TRPM1: variants seen among roughly 807,000 people sequenced by gnomAD.
The protein encoded by TRPM1 is TRPM1-203 APA Isoform, Intron 10.
Under a neutral mutation model 149.4 loss-of-function variants are expected in TRPM1, and 113 were observed. The observed-to-expected ratio is 0.76, with a 90% CI of 0.65 to 0.88. The LOEUF (loss-of-function observed/expected upper bound fraction) is 0.88, where lower values mean the gene tolerates loss of function less well. Ranked by LOEUF, TRPM1 falls within the 40% of genes least tolerant of loss-of-function variation. TRPM1 has a pLI of 0.00. For synonymous variants in TRPM1, 741 were observed against 759.5 expected, an observed-to-expected ratio of 0.98 and a Z score of 0.40; for missense variants, 1,976 against 2,038.7, an observed-to-expected ratio of 0.97 and a Z score of 0.59.
At chr15:31,112,088 G>A (rs1040650511) in intron 1 of TRPM1, among the ~76,000 whole-genome samples, 2 of 152,218 alleles carry the variant, frequency 1.3e-5, no homozygotes, top group African/African-American at 4.8e-5. Context: ...GAGAGTGTGA[G>A]CATACAGAGC....
At chr15:31,087,493 A>G (rs1456279935) in intron 1 of TRPM1, among the ~76,000 whole-genome samples, 3 of 151,888 alleles carry the variant, frequency 2.0e-5, no homozygotes, top group Non-Finnish European at 4.4e-5. Context: ...TGACCTCATG[A>G]TCTGCCTGCC....
chr15:31,051,853 C>G (rs949727071), intron 11 of TRPM1, among the ~76,000 whole-genome samples: 1 of 152,200 alleles, frequency 6.6e-6, no homozygotes, highest in Non-Finnish European at 1.5e-5. Context: ...AGGACCTACC[C>G]TCCGACCCAG....
At position 31,037,898 on chromosome 15, in the gene TRPM1, C is replaced by T. The variant is rs2033468900; in HGVS notation, c.2440-56G>A. 1.1e-5 allele frequency: 18 copies of T among 1,613,476 alleles called. No homozygotes were observed. In the South Asian group the frequency reaches 1.5e-4, roughly 14 times the overall value. On this transcript the variant is annotated intron_variant, in intron 19 of 27. Coordinates refer to ENST00000256552, the MANE Select transcript of TRPM1 (RefSeq NM_001252024.2). ...AGGTGGCTAAATGGGAAATGCAAGG[C>T]ACTCCGGCACACAGGCACCATTAGA...
chr15:31,050,410 C>T lies in TRPM1; in HGVS notation c.1436G>A (p.Trp479Ter). The T allele has an allele frequency of 6.2e-7, 1 of 1,614,166 alleles. No homozygotes were observed. The highest frequency in any genetic ancestry group is 8.5e-7 in the Non-Finnish European group (1 of 1,180,020). The stretch of plus-strand genomic sequence containing the variant: ...TGATCTCTGTGACCTTCCACATACC[C>T]AGTTCAGCAGCTCTATCTTCCGGGG... ...TDPRKIELLN[W>*]VNALEQAMLD... The change falls in exon 12 of 28, where the codon TGG (tryptophan) becomes TAG (stop). Residue 479 changes from tryptophan (W) to a stop codon, truncating the protein, a stop_gained and splice_region_variant. Coordinates refer to ENST00000256552, the MANE Select transcript of TRPM1 (RefSeq NM_001252024.2). LOFTEE classifies it high-confidence loss of function.
At chr15:31,078,107 C>T (rs1298144461) in intron 2 of TRPM1, among the ~76,000 whole-genome samples, 1 of 152,132 alleles carries the variant, frequency 6.6e-6, no homozygotes, top group African/African-American at 2.4e-5. Context: ...TGTCCTTGGC[C>T]ACTTTCCCAC....
intron 2 of TRPM1, among the ~76,000 whole-genome samples, chr15:31,079,089 T>G (rs948810988): frequency 6.6e-6 from 1 of 152,154 alleles, no homozygotes; most frequent in Non-Finnish European, 1.5e-5. Context: ...AAGTTATCAG[T>G]GTGAACTCAT....
chr15:31,121,366 AC>A (rs755543162), intron 1 of TRPM1, among the ~76,000 whole-genome samples: 1 of 152,178 alleles, frequency 6.6e-6, no homozygotes, highest in African/African-American at 2.4e-5. Context: ...GAAATTAAAA[AC>A]AGGAAATCAG....
intron 22 of TRPM1, 48 bp from the exon 23 acceptor site, chr15:31,031,205 A>T: frequency 6.2e-7 from 1 of 1,607,376 alleles, no homozygotes; most frequent in Admixed American, 1.7e-5. Flanking sequence ...TTGTGGGCCA[A>T]GTTCACCCTG....
At chr15:31,011,962 C>A (rs2032200056) in intron 27 of TRPM1, among the ~76,000 whole-genome samples, 1 of 152,120 alleles carries the variant, frequency 6.6e-6, no homozygotes. Context: ...TTGCATCTGG[C>A]CTAACACCAA....
upstream of TRPM1, among the ~76,000 whole-genome samples, chr15:31,104,829 T>G (rs535468622): frequency 1.3e-5 from 2 of 151,972 alleles, no homozygotes; most frequent in Non-Finnish European, 2.9e-5. Flanking sequence ...CTCCTGACCT[T>G]GTGATCCGCC....
chr15:31,057,790 T>TG (rs2034122975), intron 11 of TRPM1, among the ~76,000 whole-genome samples: 1 of 152,174 alleles, frequency 6.6e-6, no homozygotes, highest in African/African-American at 2.4e-5. Context: ...GAGTGGGGCC[T>TG]GATGTGAAGT....
At chr15:31,066,284 C>T (rs901686470) in intron 6 of TRPM1, 37 bp from the exon 7 acceptor site, 3 of 1,613,466 alleles carry the variant, frequency 1.9e-6, no homozygotes, top group Non-Finnish European at 2.5e-6. Flanking sequence ...ACCTGCAGGA[C>T]TTGGATGTTA....
chr15:31,024,053 T>C (rs28487996), intron 27 of TRPM1, among the ~76,000 whole-genome samples: 13,446 of 151,990 alleles, frequency 0.088, 773 homozygotes, highest in Admixed American at 0.17. Context: ...AACTGAGTCA[T>C]GAGAATTGGT....
At chr15:31,109,504 C>G (rs1273513930) in intron 1 of TRPM1, among the ~76,000 whole-genome samples, 2 of 151,606 alleles carry the variant, frequency 1.3e-5, no homozygotes, top group Admixed American at 6.6e-5. Flanking sequence ...CGAGATCAAC[C>G]TGGCCACAAC....
chr15:31,029,554 A>G (rs1406053569), intron 23 of TRPM1, among the ~76,000 whole-genome samples, 163 bp from the exon 24 acceptor site: 1 of 152,246 alleles, frequency 6.6e-6, no homozygotes, highest in African/African-American at 2.4e-5. Flanking sequence ...GGAAATATTG[A>G]TTCACACTTA....
intron 1 of TRPM1, among the ~76,000 whole-genome samples, chr15:31,101,372 C>T (rs1405649652): frequency 2.0e-5 from 3 of 152,212 alleles, no homozygotes; most frequent in Non-Finnish European, 4.4e-5. Flanking sequence ...CTGAGACAGC[C>T]TCTTGGAACC....
intron 27 of TRPM1, among the ~76,000 whole-genome samples, chr15:31,019,217 T>C (rs1004449637): frequency 6.6e-6 from 1 of 152,228 alleles, no homozygotes; most frequent in Non-Finnish European, 1.5e-5. Context: ...AGTTGTCTTA[T>C]CCACTCTAAA....
At chr15:31,066,386 T>C (rs1352054518) in intron 6 of TRPM1, 139 bp from the exon 7 acceptor site, 2 of 964,802 alleles carry the variant, frequency 2.1e-6, no homozygotes, top group Non-Finnish European at 3.2e-6. Context: ...TTGAAGGTTT[T>C]ATTTTTGCCA....
At chr15:31,140,542 G>A (rs2036148410) in intron 1 of TRPM1, among the ~76,000 whole-genome samples, 1 of 152,194 alleles carries the variant, frequency 6.6e-6, no homozygotes, top group South Asian at 2.1e-4. Context: ...TCCTGTGAGA[G>A]TTCCCTCACG....
Sources: gnomAD v4.1 joint callset for allele counts (sites outside exome capture counted in the v4.1 genomes callset) on GRCh38, gnomAD v4.1.1 for gene constraint, MANE v1.5 for transcripts, NCBI Gene and HGNC (gene_info 2026-07-23, HGNC 2026-07-21) for gene names.